STK10: variants seen among roughly 807,000 people sequenced by gnomAD.
The protein encoded by STK10 is serine/threonine-protein kinase 10.
In STK10, 78 loss-of-function variants were observed where a neutral mutation model predicts 113.8. That is an observed-to-expected ratio of 0.69 (90% CI 0.57 to 0.83). The LOEUF is 0.83. Ranked by LOEUF, STK10 falls within the 40% of genes least tolerant of loss-of-function variation. The pLI is 0.00. For synonymous variants in STK10, 465 were observed against 494.7 expected, an observed-to-expected ratio of 0.94 and a Z score of 0.80; for missense variants, 1,109 against 1,280.1, an observed-to-expected ratio of 0.87 and a Z score of 2.04.
chr5:172,096,578 A>G lies in STK10; in HGVS notation c.871-18T>C, dbSNP rs1210398914. 1 of 1,611,380 alleles carries G rather than the reference A, an allele frequency of 6.2e-7. No individual in the cohort carries two copies. Among genetic ancestry groups the G allele is most frequent in the Admixed American group, 1.7e-5 (1 of 59,972 alleles). On this transcript the variant is annotated intron_variant, in intron 7 of 18. Transcript: ENST00000176763. ...AAGGGATGCTGAGGGGGCAAGATGC[A>G]CCCAGATTAGAACCACTCTGGGGTC...
At chr5:172,173,166 G>GT (rs1263711987) in intron 1 of STK10, among the ~76,000 whole-genome samples, 2 of 152,138 alleles carry the variant, frequency 1.3e-5, no homozygotes, top group Non-Finnish European at 2.9e-5. Flanking sequence ...TCAAAGATGG[G>GT]TTTCCTATCA....
Position 172,187,911 on chromosome 5 carries a change from GTCGCCCAGC to G in STK10, c.123_131del (p.Glu41_Gly43del), listed in dbSNP as rs1351511172. 6.2e-7 allele frequency: 1 copy of G among 1,613,168 alleles called. No individual in the cohort carries two copies. Among genetic ancestry groups the G allele is most frequent in the Non-Finnish European group, 8.5e-7 (1 of 1,179,724 alleles). On this transcript the variant is annotated inframe_deletion, in exon 1 of 19. Transcript: ENST00000176763. The surrounding 1 kb of genome is among the most constrained non-coding windows in gnomAD (Gnocchi z 4.6). ...CCTTGTAAACCTTGCCGAAGGCGCC[GTCGCCCAGC>G]TCGCCCACGATCTCCCACACCTCGT...
At chr5:172,186,064 A>T (rs530311596) in intron 1 of STK10, among the ~76,000 whole-genome samples, 1 of 152,244 alleles carries the variant, frequency 6.6e-6, no homozygotes, top group Non-Finnish European at 1.5e-5. Context: ...AACTGAGGTC[A>T]GGAGTTCGAG....
At chr5:172,070,255 A>AAAAATATG (rs1202846036) in intron 12 of STK10, among the ~76,000 whole-genome samples, 3 of 147,082 alleles carry the variant, frequency 2.0e-5, no homozygotes, top group Non-Finnish European at 4.5e-5. Context: ...CCTCAAAAAA[A>AAAAATATG]TATATATCTA....
chr5:172,051,278 C>T (rs1340466873), intron 18 of STK10, among the ~76,000 whole-genome samples: 1 of 152,152 alleles, frequency 6.6e-6, no homozygotes, highest in Non-Finnish European at 1.5e-5. Flanking sequence ...GTGGTGCACA[C>T]CTGTAGTCCC....
intron 2 of STK10, 30 bp downstream of exon 2, chr5:172,156,594 G>A (rs1333803792): frequency 1.2e-6 from 2 of 1,601,488 alleles, no homozygotes; most frequent in East Asian, 2.2e-5. Flanking sequence ...CATGGGGGCT[G>A]AGCTGGGACA....
chr5:172,185,272 G>C (rs1010233226), intron 1 of STK10, among the ~76,000 whole-genome samples: 5 of 151,962 alleles, frequency 3.3e-5, no homozygotes, highest in Middle Eastern at 3.4e-3. Context: ...TGTTTGTTTT[G>C]TTTTGTTTTG....
chr5:172,082,192 C>G lies in STK10; in HGVS notation c.1989+134G>C. 2 of 988,464 alleles carry G rather than the reference C, an allele frequency of 2.0e-6. No homozygotes were observed. Among genetic ancestry groups the G allele is most frequent in the Non-Finnish European group, 2.8e-6 (2 of 719,812 alleles). 61.2% of individuals were successfully genotyped at this position (988,464 alleles called of 1,614,324 possible). A position where few individuals can be genotyped will look rare whatever the true frequency, so the allele number is the denominator to read the frequency against. On this transcript the variant is annotated intron_variant, in intron 12 of 18. Transcript: ENST00000176763. The surrounding 1 kb of genome is among the most constrained non-coding windows in gnomAD (Gnocchi z 4.3). ...CATGGCGCAGCTTGGGCACACAGAT[C>G]CAGGCTCACCTGCTCCCGAGCTCTT... is the stretch of plus-strand genomic sequence containing the variant.
In STK10 at chr5:172,187,931, T is replaced by A; in HGVS notation, c.112A>T (p.Ile38Phe). The A allele has an allele frequency of 6.2e-7, 1 of 1,613,400 alleles. No individual in the cohort carries two copies. Among genetic ancestry groups the A allele is most frequent in the South Asian group, 1.1e-5 (1 of 91,066 alleles). Residue 38 changes from isoleucine to phenylalanine, a missense_variant, in exon 1 of 19, where the codon ATC (isoleucine) becomes TTC (phenylalanine). Around this residue, in one of 5 missense-constraint regions of STK10, gnomAD observed 57 missense variants for 53.6 expected, o/e 1.06. Coordinates refer to ENST00000176763, the MANE Select transcript of STK10 (RefSeq NM_005990.4). This position sits in a 1 kb window ranked among gnomAD's most constrained non-coding sequence, Gnocchi z 4.6. ...RDLDPNEVWE[I>F]VGELGDGAFG... ...GCGCCGTCGCCCAGCTCGCCCACGA[T>A]CTCCCACACCTCGTTGGGGTCCAGG...
At chr5:172,186,650 G>A (rs541790630) in intron 1 of STK10, among the ~76,000 whole-genome samples, 1 of 152,064 alleles carries the variant, frequency 6.6e-6, no homozygotes, top group African/African-American at 2.4e-5. Context: ...AAGAAAAAAC[G>A]CCACCACTCC....
At chr5:172,137,891 CAAAA>C (rs34136706) in intron 2 of STK10, among the ~76,000 whole-genome samples, 4 of 78,472 alleles carry the variant, frequency 5.1e-5, no homozygotes, top group Admixed American at 1.5e-4. Context: ...GACTCTGTCT[CAAAA>C]AAAAAAAAAA....
chr5:172,187,016 C>T lies in STK10; in HGVS notation c.156+871G>A, dbSNP rs1322934736. 1.3e-5 allele frequency among the ~76,000 whole-genome samples: 2 copies of T among 151,992 alleles called. No individual in the cohort carries two copies. Among genetic ancestry groups the T allele is most frequent in the Non-Finnish European group, 2.9e-5 (2 of 68,004 alleles). On this transcript the variant is annotated intron_variant, in intron 1 of 18. Transcript: ENST00000176763. The surrounding 1 kb of genome is among the most constrained non-coding windows in gnomAD (Gnocchi z 4.6). ...GGTATACACCAATTTAACAAGTGGG[C>T]GTCTCCCAGTAAAAATTTTCTTAGG...
rs527682337 is a variant in STK10, at chr5:172,103,297, C to T, written c.870+2359G>A. 2.0e-5 allele frequency among the ~76,000 whole-genome samples: 3 copies of T among 152,384 alleles called. No individual in the cohort carries two copies. In the South Asian group the frequency reaches 6.2e-4, roughly 32 times the overall value. ...GGAAAAGGCGCGTGGGTGAAGCCAG[C>T]AGCAGCACAGGCGTGAAAGGTGCTT... is the stretch of plus-strand genomic sequence containing the variant. On this transcript the variant is annotated intron_variant, in intron 7 of 18. Transcript: ENST00000176763.
chr5:172,111,943 T>A (rs1186926562), intron 4 of STK10, among the ~76,000 whole-genome samples: 1 of 152,188 alleles, frequency 6.6e-6, no homozygotes. Context: ...TAGAAATCCA[T>A]CTCTAAAACC....
chr5:172,184,198 T>G (rs1770912556), intron 1 of STK10, among the ~76,000 whole-genome samples: 1 of 152,172 alleles, frequency 6.6e-6, no homozygotes, highest in African/African-American at 2.4e-5. Context: ...TGGTTTGGGT[T>G]ACTTCAGTAA....
At chr5:172,186,746 C>T (rs1770960060) in intron 1 of STK10, among the ~76,000 whole-genome samples, 2 of 152,168 alleles carry the variant, frequency 1.3e-5, no homozygotes, top group South Asian at 4.1e-4. Flanking sequence ...TTCAGCAGGT[C>T]GGGGCTGGGC....
intron 2 of STK10, among the ~76,000 whole-genome samples, chr5:172,154,041 T>C (rs1315093982): frequency 6.6e-6 from 1 of 152,194 alleles, no homozygotes; most frequent in Non-Finnish European, 1.5e-5. Flanking sequence ...CTTCTTTCTG[T>C]AACACAGAAT....
chr5:172,185,634 T>TG (rs1770942554), intron 1 of STK10, among the ~76,000 whole-genome samples: 1 of 152,206 alleles, frequency 6.6e-6, no homozygotes, highest in Admixed American at 6.5e-5. Context: ...GTGGGTCCTG[T>TG]GGTGAGCTGA....
In STK10 at chr5:172,156,617, G is replaced by C; in HGVS notation, c.321+7C>G. ...CTGAGCTGGGACAGACAGGGCGGCA[G>C]CCTTACCCACAGCTTCCCGTCGTGA... On this transcript the variant is annotated splice_region_variant and intron_variant, in intron 2 of 18. Coordinates refer to ENST00000176763, the MANE Select transcript of STK10 (RefSeq NM_005990.4). 1.2e-6 allele frequency: 2 copies of C among 1,611,918 alleles called. No individual in the cohort carries two copies. The highest frequency in any genetic ancestry group is 1.7e-5 in the Admixed American group (1 of 59,966).
Sources: allele counts gnomAD v4.1 joint callset (sites outside exome capture counted in the v4.1 genomes callset), GRCh38; gene constraint gnomAD v4.1.1; regional missense constraint gnomAD v4.1.1; non-coding constraint Gnocchi (gnomAD v3.1); transcripts MANE v1.5; gene names NCBI Gene and HGNC (gene_info 2026-07-23, HGNC 2026-07-21).